ZIM2: variants seen among roughly 807,000 people sequenced by gnomAD.
The protein encoded by ZIM2 is zinc finger imprinted 2.
A neutral mutation model predicts 38.6 loss-of-function variants in ZIM2; 14 were observed. The ratio of observed to expected loss-of-function variants is 0.36; its 90% CI spans 0.24 to 0.57. ZIM2 has a LOEUF of 0.57. Ranked by LOEUF, ZIM2 falls within the 20% of genes least tolerant of loss-of-function variation. The probability of loss-of-function intolerance (pLI) is 0.81; values close to 1 mark genes in which losing one functional copy is unlikely to be tolerated. For synonymous variants in ZIM2, 247 were observed against 245.8 expected, an observed-to-expected ratio of 1.00 and a Z score of -0.04; for missense variants, 680 against 695.1, an observed-to-expected ratio of 0.98 and a Z score of 0.24.
chr19:56,823,648 G>A lies in ZIM2; in HGVS notation c.48C>T (p.Asp16=), dbSNP rs766142792. 6 of 1,613,970 alleles carry A rather than the reference G, an allele frequency of 3.7e-6. No homozygotes were observed. In the African/African-American group the frequency reaches 4.0e-5, roughly 11 times the overall value. ...ACTCTCTTCTGTTCCGGGTCATGTC[G>A]TCGTCGCTGGTCACGTCACTGTTGT... ...DDNNSDVTSD[D]DMTRNRRESS... is the part of the protein sequence containing the mutation. The change falls in exon 5 of 13, where the codon GAC becomes GAT. Residue 16 remains aspartate (D), a synonymous_variant. Coordinates refer to ENST00000629319, the MANE Select transcript of ZIM2 (RefSeq NM_001387356.1).
At chr19:56,822,537 A>T in intron 6 of ZIM2, 1 of 520,172 alleles carries the variant, frequency 1.9e-6, no homozygotes, top group Non-Finnish European at 3.3e-6. Context: ...ATACTGAGCA[A>T]ATAGTTTAGG....
In ZIM2 at chr19:56,814,714, T is replaced by A; in HGVS notation, c.490+3032A>T. On this transcript the variant is annotated intron_variant, in intron 9 of 12. Coordinates refer to ENST00000629319, the MANE Select transcript of ZIM2 (RefSeq NM_001387356.1). This position sits in a 1 kb window ranked among gnomAD's most constrained non-coding sequence, Gnocchi z 5.8. ...ATCATCTTCCCTATGAAGTCTCATA[T>A]GCTCATTAAGGGCAGAGCTATGAAT... 6.2e-7 allele frequency: 1 copy of A among 1,614,106 alleles called. No individual in the cohort carries two copies. The highest frequency in any genetic ancestry group is 8.5e-7 in the Non-Finnish European group (1 of 1,179,970).
intron 10 of ZIM2, among the ~76,000 whole-genome samples, chr19:56,785,203 G>A (rs1209390525): frequency 1.3e-5 from 2 of 152,220 alleles, no homozygotes; most frequent in Non-Finnish European, 2.9e-5. Flanking sequence ...ATATGGGACA[G>A]GCACTCCCCC....
chr19:56,783,204 T>C (rs188184982), intron 10 of ZIM2, among the ~76,000 whole-genome samples: 87 of 152,332 alleles, frequency 5.7e-4, no homozygotes, highest in African/African-American at 2.0e-3. Flanking sequence ...ATAAATATAG[T>C]ATAGCCATAC....
At chr19:56,815,741 G>A (rs187519815) in intron 9 of ZIM2, 9 of 1,614,096 alleles carry the variant, frequency 5.6e-6, no homozygotes, top group Admixed American at 1.7e-5. Context: ...GGTTTGGCAC[G>A]GAATACACTC....
chr19:56,823,593 T>A lies in ZIM2; in HGVS notation c.103A>T (p.Ser35Cys), dbSNP rs2060715483. The A allele has an allele frequency of 5.0e-6, 8 of 1,614,124 alleles. No homozygotes were observed. The highest frequency in any genetic ancestry group is 6.8e-6 in the Non-Finnish European group (8 of 1,180,000). ...SSPPHSVHSF[S>C]GDRDWDRRGR... ...ACCAGTGGGGATGGGTACTCACCAC[T>A]GAAAGAATGGACTGAGTGAGGTGGT... is the stretch of plus-strand genomic sequence containing the variant. Residue 35 changes from serine to cysteine, a missense_variant, in exon 5 of 13, where the codon AGT becomes TGT. Transcript: ENST00000629319.
At chr19:56,822,484 C>A in intron 6 of ZIM2, 1 of 372,422 alleles carries the variant, frequency 2.7e-6, no homozygotes, top group South Asian at 5.4e-5. Flanking sequence ...GTCTTTCATA[C>A]AGAAACTTCC....
intron 2 of ZIM2, among the ~76,000 whole-genome samples, chr19:56,832,917 A>C (rs2061709953): frequency 6.6e-6 from 1 of 152,182 alleles, no homozygotes; most frequent in Non-Finnish European, 1.5e-5. Context: ...ATGACACTTT[A>C]CTTCTATTCC....
At chr19:56,829,386 CTTTG>C (rs1383103168) in intron 2 of ZIM2, among the ~76,000 whole-genome samples, 1 of 151,238 alleles carries the variant, frequency 6.6e-6, no homozygotes, top group African/African-American at 2.4e-5. Context: ...ATGGTTTAAC[CTTTG>C]TATGTACAGC....
At chr19:56,787,375 A>G (rs555681028) in intron 10 of ZIM2, among the ~76,000 whole-genome samples, 1 of 152,038 alleles carries the variant, frequency 6.6e-6, no homozygotes, top group East Asian at 1.9e-4. Context: ...TCCCAGGTTC[A>G]AGTGAGTCTC....
chr19:56,779,762 C>A (rs531497885), intron 11 of ZIM2, among the ~76,000 whole-genome samples: 2 of 152,196 alleles, frequency 1.3e-5, no homozygotes, highest in African/African-American at 2.4e-5. Flanking sequence ...GATCTGGTTC[C>A]ATGTCAAGAG....
chr19:56,795,951 CAA>C (rs2047201447), intron 9 of ZIM2, among the ~76,000 whole-genome samples: 1 of 152,062 alleles, frequency 6.6e-6, no homozygotes, highest in Non-Finnish European at 1.5e-5. Flanking sequence ...TAAAAAATAA[CAA>C]ACTAATTTCA....
In ZIM2 at chr19:56,814,082, C is replaced by G. The variant is rs1293681257; in HGVS notation, c.490+3664G>C. ...TCTGGGTCTTCAATACCTGCACCAT[C>G]TGGCTCATCAGCATCCCCATTTGGC... is the stretch of plus-strand genomic sequence containing the variant. On this transcript the variant is annotated intron_variant, in intron 9 of 12. Transcript: ENST00000629319. The surrounding 1 kb of genome is among the most constrained non-coding windows in gnomAD (Gnocchi z 5.8). 1.2e-6 allele frequency: 2 copies of G among 1,614,176 alleles called. No individual in the cohort carries two copies. The highest frequency in any genetic ancestry group is 1.3e-5 in the African/African-American group (1 of 75,050).
chr19:56,839,570 A>G (rs2062719118), intron 1 of ZIM2, among the ~76,000 whole-genome samples: 1 of 149,188 alleles, frequency 6.7e-6, no homozygotes, highest in Admixed American at 6.6e-5. Flanking sequence ...GCGGGGCCTG[A>G]GTGGATAGTT....
intron 9 of ZIM2, among the ~76,000 whole-genome samples, chr19:56,803,050 G>T (rs965805614): frequency 1.3e-5 from 2 of 152,188 alleles, no homozygotes; most frequent in African/African-American, 4.8e-5. Flanking sequence ...CCTTGCCTTT[G>T]GTTGGGGATG....
intron 2 of ZIM2, chr19:56,833,430 G>A (rs1019831182): frequency 5.7e-5 from 19 of 333,966 alleles, no homozygotes; most frequent in Non-Finnish European, 8.2e-5. Flanking sequence ...TCTGCAGACC[G>A]ACATTCTCTA....
At chr19:56,783,877 C>A (rs1212971822) in intron 10 of ZIM2, among the ~76,000 whole-genome samples, 1 of 152,058 alleles carries the variant, frequency 6.6e-6, no homozygotes, top group African/African-American at 2.4e-5. Flanking sequence ...CTAACATTAT[C>A]CTGAGGCAAT....
At chr19:56,817,002 A>T in intron 9 of ZIM2, 1 of 1,613,876 alleles carries the variant, frequency 6.2e-7, no homozygotes, top group East Asian at 2.2e-5. Context: ...CACCATACTC[A>T]TAGAGGTTCT....
At chr19:56,783,584 A>T (rs918995170) in intron 10 of ZIM2, among the ~76,000 whole-genome samples, 3 of 152,220 alleles carry the variant, frequency 2.0e-5, no homozygotes, top group African/African-American at 4.8e-5. Context: ...CAGAAAACCA[A>T]ATACCACGTG....
Sources: allele counts gnomAD v4.1 joint callset (sites outside exome capture counted in the v4.1 genomes callset), GRCh38; gene constraint gnomAD v4.1.1; non-coding constraint Gnocchi (gnomAD v3.1); transcripts MANE v1.5; gene names NCBI Gene and HGNC (gene_info 2026-07-23, HGNC 2026-07-21).